Variants in ATP2B4 observed in about 807,000 individuals in gnomAD.
ATP2B4 encodes the protein ATPase plasma membrane Ca2+ transporting 4.
Under a neutral mutation model 110.3 loss-of-function variants are expected in ATP2B4, and 39 were observed. The ratio of observed to expected loss-of-function variants is 0.35; its 90% confidence interval spans 0.27 to 0.46. ATP2B4 has a LOEUF of 0.46. Among genes scored for constraint, ATP2B4 ranks in the 20% least tolerant of loss-of-function variants. ATP2B4 has a pLI of 1.00. For synonymous variants in ATP2B4, 538 were observed against 571.7 expected (o/e 0.94, Z 0.84); for missense variants, 1,135 against 1,530.9 (o/e 0.74, Z 4.32).
At chr1:203,675,345 C>T (rs1475598979) in intron 1 of ATP2B4, among the ~76,000 whole-genome samples, 4 of 152,210 alleles carry the variant, frequency 2.6e-5, no homozygotes, top group Non-Finnish European at 4.4e-5. Context: ...TATCACTGCA[C>T]AGCATATCCT....
chr1:203,741,740 A>G lies in ATP2B4; in HGVS notation c.*1886A>G, dbSNP rs1439025878. 6.6e-6 allele frequency: 1 copy of G among 152,648 alleles called. No homozygotes were observed. Among genetic ancestry groups the G allele is most frequent in the Non-Finnish European group, 1.5e-5 (1 of 68,058 alleles). 9.5% of individuals were successfully genotyped at this position (152,648 alleles called of 1,614,324 possible). A position where few individuals can be genotyped will look rare whatever the true frequency, so the allele number is the denominator to read the frequency against. ...TACATAATCCATCATCGTAGGAAAT[A>G]GGAAAGCAAATTTGATTTTGGTTTT... is the stretch of plus-strand genomic sequence containing the variant. On this transcript the variant is annotated 3_prime_UTR_variant, in exon 21 of 21. Coordinates refer to ENST00000357681, the MANE Select transcript of ATP2B4 (RefSeq NM_001684.5).
At chr1:203,657,269 G>A in intron 1 of ATP2B4, 1 of 716,644 alleles carries the variant, frequency 1.4e-6, no homozygotes, top group Non-Finnish European at 2.5e-6. Context: ...TTCTTGTAAA[G>A]CCATCTCCGA....
chr1:203,677,710 C>G (rs1319231891), intron 1 of ATP2B4, among the ~76,000 whole-genome samples: 2 of 152,172 alleles, frequency 1.3e-5, no homozygotes, highest in African/African-American at 4.8e-5. Flanking sequence ...GTGATCCGCC[C>G]ACCTCGGCCT....
rs544399629 is a variant in ATP2B4, at chr1:203,722,770, T to C, written c.3024+81T>C. 139 of 1,330,842 alleles carry C rather than the reference T, an allele frequency of 1.0e-4. 1 individual carries two copies. In the South Asian group the frequency reaches 1.8e-3, roughly 17 times the overall value. The allele number at this position is 1,330,842 out of a possible 1,614,324, so 82.4% of individuals were successfully genotyped here. On this transcript the variant is annotated intron_variant, in intron 18 of 20. Coordinates refer to ENST00000357681, the MANE Select transcript of ATP2B4 (RefSeq NM_001684.5). ...TGGGAGCCAGGGTTCCCTACATACC[T>C]AGGAAAAGGAATGAAGGAATTACGG...
At chr1:203,662,227 C>T (rs942428882) in intron 1 of ATP2B4, among the ~76,000 whole-genome samples, 7 of 152,150 alleles carry the variant, frequency 4.6e-5, no homozygotes, top group East Asian at 1.9e-4. Context: ...AGGGTTTCAC[C>T]GTGTTAGCCA....
chr1:203,668,203 C>T (rs1664564571), intron 1 of ATP2B4, among the ~76,000 whole-genome samples: 1 of 152,154 alleles, frequency 6.6e-6, no homozygotes, highest in African/African-American at 2.4e-5. Context: ...AGCCATCTTG[C>T]AGCTTGTAGT....
At chr1:203,721,129 C>G in intron 16 of ATP2B4, 68 bp from the exon 17 acceptor site, 1 of 1,537,208 alleles carries the variant, frequency 6.5e-7, no homozygotes, top group Non-Finnish European at 8.9e-7. Context: ...GGGAGCTGGG[C>G]CATCGACAGG....
chr1:203,661,067 G>A (rs557974487), intron 1 of ATP2B4, among the ~76,000 whole-genome samples: 3 of 150,568 alleles, frequency 2.0e-5, no homozygotes, highest in African/African-American at 4.9e-5. Context: ...CTGAGATCGC[G>A]CCACTGCACT....
chr1:203,710,962 C>T lies in ATP2B4; in HGVS notation c.1885C>T (p.Pro629Ser), dbSNP rs189862775. ...TGATATGGTACGCACTGTCATCGAGCCCATGGCCTGTGATGGACTCCGGAC... is the reference window on the plus strand; with the variant it reads ...TGATATGGTACGCACTGTCATCGAGTCCATGGCCTGTGATGGACTCCGGAC... ...RDDMVRTVIE[P>S]MACDGLRTIC... The change falls in exon 12 of 21, where the codon CCC becomes TCC. Residue 629 changes from proline to serine, a missense_variant. By Grantham distance (74) the Pro-to-Ser change is moderately conservative (BLOSUM62 -1). Transcript: ENST00000357681. 7.4e-6 allele frequency: 12 copies of T among 1,614,036 alleles called. No individual in the cohort carries two copies. The African/African-American group carries it at 1.6e-4, about 22-fold the overall frequency.
At chr1:203,631,813 G>A (rs1663277402) in intron 1 of ATP2B4, among the ~76,000 whole-genome samples, 2 of 151,672 alleles carry the variant, frequency 1.3e-5, no homozygotes, top group African/African-American at 4.9e-5. Flanking sequence ...TTTGTTTTTT[G>A]AGACAGAGTC....
intron 1 of ATP2B4, among the ~76,000 whole-genome samples, chr1:203,674,718 A>G (rs12749294): frequency 0.74 from 105,145 of 142,182 alleles, 38,992 homozygotes; most frequent in Middle Eastern, 0.87. Context: ...GTGCAATGGC[A>G]CAGTCTTGGC....
At chr1:203,726,485 T>G (rs1481145468) in intron 19 of ATP2B4, among the ~76,000 whole-genome samples, 1 of 152,144 alleles carries the variant, frequency 6.6e-6, no homozygotes, top group African/African-American at 2.4e-5. Context: ...TAAAGCTTGG[T>G]TGTTAAACCT....
chr1:203,635,580 A>G (rs936098703), intron 1 of ATP2B4, among the ~76,000 whole-genome samples: 1 of 152,172 alleles, frequency 6.6e-6, no homozygotes, highest in South Asian at 2.1e-4. Flanking sequence ...GCAGGAGGAT[A>G]ACTTGAGGCT....
chr1:203,656,208 G>C (rs115566336), intron 1 of ATP2B4, among the ~76,000 whole-genome samples: 1 of 151,970 alleles, frequency 6.6e-6, no homozygotes, highest in Admixed American at 6.6e-5. Flanking sequence ...CTGCAAATAA[G>C]TTTCTCCTCA....
At chr1:203,700,110 C>G in intron 4 of ATP2B4, 96 bp from the exon 5 acceptor site, 2 of 1,415,990 alleles carry the variant, frequency 1.4e-6, no homozygotes, top group Non-Finnish European at 9.6e-7. Flanking sequence ...CCCATGGGAA[C>G]AGCCATGAGA....
intron 11 of ATP2B4, 118 bp from the exon 12 acceptor site, chr1:203,710,759 C>T (rs1665982350): frequency 1.2e-6 from 1 of 809,646 alleles, no homozygotes. Context: ...AAATGTTTGG[C>T]CACACTTGGA....
intron 2 of ATP2B4, among the ~76,000 whole-genome samples, chr1:203,693,938 A>G (rs1203507938): frequency 6.6e-6 from 1 of 152,096 alleles, no homozygotes; most frequent in African/African-American, 2.4e-5. Flanking sequence ...AGCTGCCTCC[A>G]TGTCCCAGCG....
intron 16 of ATP2B4, 115 bp downstream of exon 16, chr1:203,720,855 T>G: frequency 3.2e-6 from 4 of 1,248,954 alleles, no homozygotes; most frequent in Non-Finnish European, 4.4e-6. Flanking sequence ...CCCATGACAT[T>G]GGGACAGGAG....
intron 14 of ATP2B4, 147 bp from the exon 15 acceptor site, chr1:203,714,024 C>A: frequency 1.4e-6 from 1 of 719,430 alleles, no homozygotes; most frequent in Non-Finnish European, 2.4e-6. Context: ...ACTCATGAAA[C>A]AACTTACTGC....
Sources: gnomAD v4.1 joint callset for allele counts (sites outside exome capture counted in the v4.1 genomes callset) on GRCh38, gnomAD v4.1.1 for gene constraint, MANE v1.5 for transcripts, NCBI Gene and HGNC (gene_info 2026-07-23, HGNC 2026-07-21) for gene names.